Variants in CCDC192 observed in about 807,000 individuals in gnomAD.
CCDC192 encodes the protein coiled-coil domain containing 192.
chr5:127,856,247 G>A (rs1360663155), intron 5 of CCDC192, among the ~76,000 whole-genome samples: 1 of 152,190 alleles, frequency 6.6e-6, no homozygotes, highest in African/African-American at 2.4e-5. Context: ...TTCATGTTAT[G>A]GAGACAGCTT....
intron 3 of CCDC192, among the ~76,000 whole-genome samples, chr5:127,774,133 G>C (rs926344465): frequency 2.0e-5 from 3 of 151,974 alleles, no homozygotes; most frequent in Admixed American, 6.6e-5. Flanking sequence ...TTGCCGAATT[G>C]TAAGTTCTTT....
At chr5:127,905,655 C>G (rs1753174238) in intron 6 of CCDC192, among the ~76,000 whole-genome samples, 1 of 152,034 alleles carries the variant, frequency 6.6e-6, no homozygotes, top group South Asian at 2.1e-4. Context: ...AAAGGTGTGA[C>G]TGACATGAAA....
At chr5:127,829,154 G>A (rs1749673092) in intron 5 of CCDC192, among the ~76,000 whole-genome samples, 1 of 152,202 alleles carries the variant, frequency 6.6e-6, no homozygotes, top group South Asian at 2.1e-4. Flanking sequence ...CAGTCATGGA[G>A]AGGGGGGAGT....
intron 6 of CCDC192, among the ~76,000 whole-genome samples, chr5:127,928,206 G>A (rs1029557342): frequency 4.5e-4 from 69 of 152,104 alleles, no homozygotes; most frequent in African/African-American, 1.5e-3. Flanking sequence ...AGGCCTGAGC[G>A]ACCACGCCTG....
At chr5:127,766,542 C>A (rs148294836) in intron 3 of CCDC192, among the ~76,000 whole-genome samples, 1 of 150,594 alleles carries the variant, frequency 6.6e-6, no homozygotes, top group African/African-American at 2.4e-5. Context: ...TTGTCCTACC[C>A]CATCCAAGAT....
chr5:127,763,329 C>T (rs1755034156), intron 3 of CCDC192, among the ~76,000 whole-genome samples: 1 of 152,156 alleles, frequency 6.6e-6, no homozygotes, highest in Non-Finnish European at 1.5e-5. Context: ...TGATTCTTTC[C>T]TTTTCCTCAT....
intron 3 of CCDC192, among the ~76,000 whole-genome samples, chr5:127,755,981 A>T (rs1754560754): frequency 6.6e-6 from 1 of 152,008 alleles, no homozygotes; most frequent in African/African-American, 2.4e-5. Context: ...AAGTACAAAA[A>T]AATTAGCCCA....
chr5:127,708,312 G>T (rs12515664), intron 2 of CCDC192, among the ~76,000 whole-genome samples: 3 of 152,108 alleles, frequency 2.0e-5, no homozygotes, highest in East Asian at 1.9e-4. Flanking sequence ...AGCACCACTG[G>T]GTCCCTCCCT....
chr5:127,803,856 G>A (rs1399459395), intron 5 of CCDC192, among the ~76,000 whole-genome samples: 1 of 152,194 alleles, frequency 6.6e-6, no homozygotes, highest in Admixed American at 6.5e-5. Flanking sequence ...TGTCCTGTAT[G>A]TTTGATACAT....
At chr5:127,752,003 G>T (rs1489558229) in intron 2 of CCDC192, among the ~76,000 whole-genome samples, 1 of 151,836 alleles carries the variant, frequency 6.6e-6, no homozygotes, top group Non-Finnish European at 1.5e-5. Flanking sequence ...GGTTATTCTA[G>T]TTATACATTC....
At chr5:127,826,916 G>A (rs1183103409) in intron 5 of CCDC192, among the ~76,000 whole-genome samples, 1 of 152,128 alleles carries the variant, frequency 6.6e-6, no homozygotes, top group East Asian at 1.9e-4. Flanking sequence ...TTGGTGATAA[G>A]TTTAATAGAG....
At chr5:127,739,793 GCA>G (rs1561458076) in intron 2 of CCDC192, 6 of 153,090 alleles carry the variant, frequency 3.9e-5, no homozygotes, top group African/African-American at 9.7e-5. Context: ...TTCGGCTCGC[GCA>G]TGGTGTGCGC....
At chr5:127,709,116 A>G (rs1204531987) in intron 2 of CCDC192, among the ~76,000 whole-genome samples, 4 of 91,542 alleles carry the variant, frequency 4.4e-5, no homozygotes, top group East Asian at 2.8e-4. Context: ...AGAGAGAGAG[A>G]GAGAGAGGGA....
intron 5 of CCDC192, among the ~76,000 whole-genome samples, chr5:127,845,278 T>A (rs1342571801): frequency 6.6e-6 from 1 of 152,086 alleles, no homozygotes; most frequent in Non-Finnish European, 1.5e-5. Context: ...GTAGGAATAG[T>A]GAGAGTGGGC....
chr5:127,782,404 T>A (rs1580649527), intron 3 of CCDC192, among the ~76,000 whole-genome samples: 2 of 152,128 alleles, frequency 1.3e-5, no homozygotes, highest in Non-Finnish European at 2.9e-5. Context: ...ACCAATTCTT[T>A]GAGTGTCTGG....
intron 6 of CCDC192, 138 bp downstream of exon 6, chr5:127,875,799 A>C (rs1043204604): frequency 1.7e-4 from 65 of 393,674 alleles, no homozygotes; most frequent in Non-Finnish European, 2.8e-4. Flanking sequence ...ACAGCACATG[A>C]ACTACTAACT....
At chr5:127,938,703 AT>A (rs1205500532) in intron 6 of CCDC192, among the ~76,000 whole-genome samples, 4 of 152,262 alleles carry the variant, frequency 2.6e-5, no homozygotes, top group Non-Finnish European at 5.9e-5. Context: ...AGTATTTAAC[AT>A]TTTTTAAACT....
Position 127,891,989 on chromosome 5 carries a change from G to T in CCDC192, c.535+16328G>T, listed in dbSNP as rs190481549. 1.3e-4 allele frequency among the ~76,000 whole-genome samples: 20 copies of T among 152,268 alleles called. No homozygotes were observed. The East Asian group carries it at 3.9e-3, about 29-fold the overall frequency. On this transcript the variant is annotated intron_variant, in intron 6 of 6. Transcript: ENST00000514853. Reference sequence around the variant, plus strand: ...GTATCCTCCCACATTACCCAGTACTGCTGCCTTGCATAAAGACAGGCAGAA... The same window carrying T: ...GTATCCTCCCACATTACCCAGTACTTCTGCCTTGCATAAAGACAGGCAGAA...
chr5:127,870,924 C>A (rs1580777349), intron 5 of CCDC192, among the ~76,000 whole-genome samples: 2 of 152,176 alleles, frequency 1.3e-5, no homozygotes, highest in African/African-American at 4.8e-5. Context: ...GTATTCAAAC[C>A]AAATTCTCTT....
Sources: allele counts gnomAD v4.1 joint callset (sites outside exome capture counted in the v4.1 genomes callset), GRCh38; gene constraint gnomAD v4.1.1; transcripts MANE v1.5; gene names NCBI Gene and HGNC (gene_info 2026-07-23, HGNC 2026-07-21).